Variants in CEMIP2 observed in about 807,000 individuals in gnomAD.
The protein encoded by CEMIP2 is cell migration inducing hyaluronidase 2.
Under a neutral mutation model 146.9 loss-of-function variants are expected in CEMIP2, and 79 were observed. The observed-to-expected ratio is 0.54, with a 90% CI of 0.45 to 0.65. CEMIP2 has a LOEUF of 0.65. Ranked by LOEUF, CEMIP2 falls within the 30% of genes least tolerant of loss-of-function variation. The pLI is 0.00. For synonymous variants in CEMIP2, 601 were observed against 606.3 expected (o/e 0.99, Z 0.13); for missense variants, 1,596 against 1,696.2 (o/e 0.94, Z 1.04).
At chr9:71,698,364 T>A (rs1209472764) in intron 19 of CEMIP2, 160 bp from the exon 20 acceptor site, 1 of 637,640 alleles carries the variant, frequency 1.6e-6, no homozygotes, top group Non-Finnish European at 2.7e-6. Flanking sequence ...TTTCTTTCTA[T>A]CCTTCAAGGG....
At chr9:71,717,544 AC>A (rs1300398098) in intron 13 of CEMIP2, among the ~76,000 whole-genome samples, 2 of 152,222 alleles carry the variant, frequency 1.3e-5, no homozygotes, top group African/African-American at 4.8e-5. Flanking sequence ...CAACAGATTT[AC>A]TGAGTTGGAA....
chr9:71,765,203 T>C (rs1263330998), intron 1 of CEMIP2, among the ~76,000 whole-genome samples: 2 of 152,196 alleles, frequency 1.3e-5, no homozygotes, highest in Non-Finnish European at 2.9e-5. Flanking sequence ...GCTCTCAAGA[T>C]GGGATTCAGA....
chr9:71,755,186 CTTTT>C (rs34989743), intron 1 of CEMIP2, among the ~76,000 whole-genome samples: 7 of 127,804 alleles, frequency 5.5e-5, no homozygotes, highest in South Asian at 2.5e-4. Context: ...GGAAATCATG[CTTTT>C]TTTTTTTTTT....
At chr9:71,697,146 G>A (rs1822426493) in intron 20 of CEMIP2, among the ~76,000 whole-genome samples, 1 of 152,212 alleles carries the variant, frequency 6.6e-6, no homozygotes, top group African/African-American at 2.4e-5. Context: ...TAGGATGAGG[G>A]TTGGGCCCAA....
intron 1 of CEMIP2, among the ~76,000 whole-genome samples, chr9:71,755,976 A>AAC (rs1274192439): frequency 3.8e-4 from 43 of 114,038 alleles, no homozygotes; most frequent in Non-Finnish European, 2.0e-5. Context: ...AAAAAAAAAA[A>AAC]AAAAAAAAAA....
At position 71,730,034 on chromosome 9, in the gene CEMIP2, C is replaced by T. The variant is rs757684366; in HGVS notation, c.1979+14G>A. The T allele has an allele frequency of 3.3e-5, 53 of 1,614,064 alleles. 1 individual carries two copies. The highest frequency in any genetic ancestry group is 8.0e-5 in the African/African-American group (6 of 75,022). ...GCCCTGACTCATGGGTTTTTCTCTC[C>T]GCCAATTACTCACATACAGTCAGTA... On this transcript the variant is annotated intron_variant, in intron 9 of 23. Transcript: ENST00000377044.
chr9:71,691,151 G>A (rs1822213945), intron 21 of CEMIP2, among the ~76,000 whole-genome samples: 1 of 152,178 alleles, frequency 6.6e-6, no homozygotes, highest in African/African-American at 2.4e-5. Context: ...TTTAAGGCCA[G>A]GTGTGGTGGC....
chr9:71,746,643 GAAAT>G (rs1182532793), intron 2 of CEMIP2, among the ~76,000 whole-genome samples: 4 of 144,948 alleles, frequency 2.8e-5, no homozygotes, highest in Non-Finnish European at 4.5e-5. Context: ...ATCTACTCTG[GAAAT>G]AAACCAATAG....
intron 21 of CEMIP2, among the ~76,000 whole-genome samples, chr9:71,694,099 TTTTATTTATTTATTTATTTA>T (rs77361296): frequency 6.9e-6 from 1 of 145,484 alleles, no homozygotes. Flanking sequence ...TGTTGTTTAT[TTTTATTTATTTATTTATTTA>T]TTTATTTATT....
chr9:71,685,493 AG>A lies in CEMIP2; in HGVS notation c.3956-101del, dbSNP rs944488739. ...GGTGAGTCGGAGGTGAGCAAAACAA[AG>A]GCAGCTATTAAAAAACTCTGCACTT... is the stretch of plus-strand genomic sequence containing the variant. On this transcript the variant is annotated intron_variant, in intron 23 of 23. Coordinates refer to ENST00000377044, the MANE Select transcript of CEMIP2 (RefSeq NM_013390.3). 1.5e-5 allele frequency: 20 copies of A among 1,321,492 alleles called. No individual in the cohort carries two copies. In the African/African-American group the frequency reaches 2.5e-4, roughly 17 times the overall value. 81.9% of individuals were successfully genotyped at this position (1,321,492 alleles called of 1,614,324 possible). A position where few individuals can be genotyped will look rare whatever the true frequency, so the allele number is the denominator to read the frequency against.
rs747423477 is a variant in CEMIP2, at chr9:71,732,420, C to A, written c.1494G>T (p.Val498=). Residue 498 remains valine, a synonymous_variant, in exon 7 of 24, where the codon GTG becomes GTT. Coordinates refer to ENST00000377044, the MANE Select transcript of CEMIP2 (RefSeq NM_013390.3). The part of the protein sequence containing the change: ...LTRNIVIQGE[V]EDSCYAENQC... ...GATTTTCTGCGTAGCATGAGTCCTC[C>A]ACTTCTCCTTGGATCACAATATTCC... 15 of 1,613,888 alleles carry A rather than the reference C, an allele frequency of 9.3e-6. No homozygotes were observed. Among genetic ancestry groups the A allele is most frequent in the Non-Finnish European group, 1.3e-5 (15 of 1,180,002 alleles).
intron 17 of CEMIP2, among the ~76,000 whole-genome samples, chr9:71,706,541 T>C (rs1822744685): frequency 6.6e-6 from 1 of 152,212 alleles, no homozygotes; most frequent in South Asian, 2.1e-4. Flanking sequence ...TATTCTCAAA[T>C]ACATTAGATA....
chr9:71,695,894 T>A (rs1224803832), intron 20 of CEMIP2, among the ~76,000 whole-genome samples: 1 of 151,880 alleles, frequency 6.6e-6, no homozygotes. Flanking sequence ...AGTGGGAGGA[T>A]CGCTTGAGCC....
At chr9:71,721,076 CTATAAA>C (rs1823218525) in intron 12 of CEMIP2, among the ~76,000 whole-genome samples, 2 of 151,866 alleles carry the variant, frequency 1.3e-5, no homozygotes, top group Admixed American at 1.3e-4. Context: ...ATACACATTA[CTATAAA>C]TATACATAAA....
chr9:71,708,250 CAGGA>C (rs1564002249), intron 17 of CEMIP2, among the ~76,000 whole-genome samples: 1 of 152,156 alleles, frequency 6.6e-6, no homozygotes, highest in Non-Finnish European at 1.5e-5. Context: ...AGGGTGGGGG[CAGGA>C]TCTGCTCCTT....
rs188489792 is a variant in CEMIP2 at position 71,704,883 on chromosome 9, G to T, written c.2986-80C>A. 3.3e-3 allele frequency: 4,476 copies of T among 1,367,564 alleles called. 18 individuals carry two copies. The highest frequency in any genetic ancestry group is 4.6e-3 in the East Asian group (192 of 41,906). The allele number at this position is 1,367,564 out of a possible 1,614,324, so 84.7% of individuals were successfully genotyped here. A position where few individuals can be genotyped will look rare whatever the true frequency, so the allele number is the denominator to read the frequency against. ...AAAGACATTTTCAGCACAAAGTCAA[G>T]TGTCTCAACTTTGAAAAGGGAGATT... On this transcript the variant is annotated intron_variant, in intron 17 of 23. Coordinates refer to ENST00000377044, the MANE Select transcript of CEMIP2 (RefSeq NM_013390.3).
At chr9:71,702,443 G>GA (rs1302264181) in intron 18 of CEMIP2, among the ~76,000 whole-genome samples, 2 of 150,842 alleles carry the variant, frequency 1.3e-5, no homozygotes, top group Non-Finnish European at 2.9e-5. Context: ...GGGGTAAGGG[G>GA]GGTAGTTAAA....
chr9:71,761,972 C>T (rs1824648750), intron 1 of CEMIP2, among the ~76,000 whole-genome samples: 2 of 149,518 alleles, frequency 1.3e-5, no homozygotes, highest in East Asian at 2.1e-4. Context: ...CATGTGTAAA[C>T]TAAAGTCTAC....
intron 17 of CEMIP2, among the ~76,000 whole-genome samples, chr9:71,706,191 T>C (rs960998663): frequency 1.1e-4 from 17 of 150,170 alleles, no homozygotes; most frequent in African/African-American, 3.7e-4. Context: ...ATAGCACTAT[T>C]GCACTCCAGC....
Sources: allele counts gnomAD v4.1 joint callset (sites outside exome capture counted in the v4.1 genomes callset), GRCh38; gene constraint gnomAD v4.1.1; transcripts MANE v1.5; gene names NCBI Gene and HGNC (gene_info 2026-07-23, HGNC 2026-07-21).